TMEM44: variants seen among roughly 807,000 people sequenced by gnomAD.
TMEM44 encodes the protein transmembrane protein 44.
In TMEM44, 43 loss-of-function variants were observed where a neutral mutation model predicts 47.8. The observed-to-expected ratio is 0.90, with a 90% confidence interval of 0.70 to 1.16. The LOEUF (loss-of-function observed/expected upper bound fraction) is 1.16, where lower values mean the gene tolerates loss of function less well. Ranked by LOEUF, TMEM44 falls within the 50% of genes most tolerant of loss-of-function variation. The pLI is 0.00. For synonymous variants in TMEM44, 277 were observed against 238.8 expected (o/e 1.16, Z -1.48); for missense variants, 568 against 555.2 (o/e 1.02, Z -0.23).
At chr3:194,617,751 G>GT in intron 5 of TMEM44, 2 of 703,870 alleles carry the variant, frequency 2.8e-6, no homozygotes, top group Non-Finnish European at 5.2e-6. Context: ...ATGTTGAGTC[G>GT]TAATCCCCAG....
chr3:194,627,789 G>A (rs973937476), intron 2 of TMEM44, among the ~76,000 whole-genome samples: 2 of 152,086 alleles, frequency 1.3e-5, no homozygotes, highest in African/African-American at 4.8e-5. Flanking sequence ...GACCAGCCTG[G>A]GCAACATGGT....
In TMEM44 at chr3:194,617,118, CG is replaced by C. The variant is rs749446394; in HGVS notation, c.763del (p.Arg255ValfsTer14). The C allele has an allele frequency of 1.7e-5, 26 of 1,550,238 alleles. No individual in the cohort carries two copies. Among genetic ancestry groups the C allele is most frequent in the South Asian group, 8.4e-5 (7 of 82,988 alleles). ...ATPWFLTSLG[R>X]AALDLAIIFL... ...GGATACAGCGAGGTCCAGTGCCGCA[CG>C]GCCGAGGGAGGTCAGGAACCAGGGT... On this transcript the variant is annotated frameshift_variant, in exon 6 of 10. Transcript: ENST00000347147. LOFTEE classifies it high-confidence loss of function.
intron 5 of TMEM44, among the ~76,000 whole-genome samples, chr3:194,621,012 G>A (rs1577211692): frequency 7.0e-6 from 1 of 143,036 alleles, no homozygotes; most frequent in Middle Eastern, 3.5e-3. Flanking sequence ...GCAACAGAGC[G>A]AGACTCTGTC....
chr3:194,616,534 C>T (rs1005206094), intron 6 of TMEM44: 1 of 456,102 alleles, frequency 2.2e-6, no homozygotes, highest in African/African-American at 2.0e-5. Flanking sequence ...ACGACACTGC[C>T]ATGCATCAAG....
intron 9 of TMEM44, among the ~76,000 whole-genome samples, chr3:194,595,626 ATTTT>A (rs1183156467): frequency 1.0e-3 from 149 of 145,526 alleles, no homozygotes; most frequent in Non-Finnish European, 9.8e-4. Context: ...CTCATTCTCT[ATTTT>A]TTTTTTTTTT....
chr3:194,632,907 C>A, intron 1 of TMEM44, 172 bp downstream of exon 1: 11 of 1,090,580 alleles, frequency 1.0e-5, no homozygotes, highest in Non-Finnish European at 1.1e-5. Context: ...TGCGTGGGAT[C>A]CGGAAAGAAG....
chr3:194,618,944 C>A (rs571623621), intron 5 of TMEM44, among the ~76,000 whole-genome samples: 8 of 152,352 alleles, frequency 5.3e-5, no homozygotes, highest in African/African-American at 1.7e-4. Context: ...TGAGCCCTGG[C>A]CCGCTGGGCC....
chr3:194,617,290 G>A, intron 5 of TMEM44, 21 bp from the exon 6 acceptor site: 1 of 1,472,562 alleles, frequency 6.8e-7, no homozygotes, highest in Non-Finnish European at 9.1e-7. Flanking sequence ...AGAGGGAGGG[G>A]CTGGGCGGGA....
intron 1 of TMEM44, among the ~76,000 whole-genome samples, chr3:194,629,204 A>G (rs1717504329): frequency 6.6e-6 from 1 of 151,982 alleles, no homozygotes; most frequent in Non-Finnish European, 1.5e-5. Flanking sequence ...AGATAACTGC[A>G]GAGCACAGTT....
chr3:194,616,853 C>G, intron 6 of TMEM44: 1 of 538,372 alleles, frequency 1.9e-6, no homozygotes, highest in East Asian at 3.4e-5. Context: ...CAAGATCACG[C>G]CACTGCACTC....
chr3:194,620,355 C>G (rs1206785729), intron 5 of TMEM44, among the ~76,000 whole-genome samples: 1 of 150,950 alleles, frequency 6.6e-6, no homozygotes, highest in African/African-American at 2.4e-5. Flanking sequence ...TGTCTTGGTT[C>G]TGTTCTCTGA....
chr3:194,624,377 C>T (rs1716910030), intron 3 of TMEM44, among the ~76,000 whole-genome samples: 1 of 152,036 alleles, frequency 6.6e-6, no homozygotes, highest in African/African-American at 2.4e-5. Context: ...AGCATTGAGC[C>T]GCTGAGGGCA....
chr3:194,606,056 G>A (rs1043281389), intron 8 of TMEM44, among the ~76,000 whole-genome samples: 7 of 152,194 alleles, frequency 4.6e-5, no homozygotes, highest in Non-Finnish European at 1.5e-5. Context: ...CTCTGGATGG[G>A]AGTGGGGAAG....
intron 9 of TMEM44, among the ~76,000 whole-genome samples, chr3:194,597,730 C>T (rs549539618): frequency 5.3e-5 from 8 of 152,044 alleles, no homozygotes; most frequent in Admixed American, 3.9e-4. Flanking sequence ...CCACAGCATA[C>T]GTGTTTGGTC....
At chr3:194,623,775 T>G in intron 3 of TMEM44, 80 bp from the exon 4 acceptor site, 1 of 1,570,994 alleles carries the variant, frequency 6.4e-7, no homozygotes, top group Non-Finnish European at 8.7e-7. Context: ...GAAGAACTGG[T>G]GTCAGCTCCC....
chr3:194,599,576 T>TTTC (rs1553826567), intron 9 of TMEM44, among the ~76,000 whole-genome samples: 5 of 133,314 alleles, frequency 3.8e-5, no homozygotes, highest in Non-Finnish European at 7.6e-5. Flanking sequence ...TTTCATTTTC[T>TTTC]TTTTCTTTTC....
chr3:194,616,924 A>G (rs2108590972), intron 6 of TMEM44, 175 bp downstream of exon 6: 2 of 721,236 alleles, frequency 2.8e-6, no homozygotes, highest in South Asian at 4.3e-5. Context: ...AGGAAACATA[A>G]AACTACAAAT....
chr3:194,628,853 G>A (rs1235427768), intron 1 of TMEM44, among the ~76,000 whole-genome samples: 21 of 152,110 alleles, frequency 1.4e-4, no homozygotes, highest in Non-Finnish European at 5.9e-5. Context: ...TTTTTGAAAA[G>A]GAAACAGGAG....
intron 2 of TMEM44, among the ~76,000 whole-genome samples, chr3:194,627,346 G>A (rs980116560): frequency 5.3e-5 from 8 of 152,198 alleles, no homozygotes; most frequent in Non-Finnish European, 1.0e-4. Context: ...CTACCTGGAT[G>A]GGCATAAGAC....
Sources: gnomAD v4.1 joint callset for allele counts (sites outside exome capture counted in the v4.1 genomes callset) on GRCh38, gnomAD v4.1.1 for gene constraint, MANE v1.5 for transcripts, NCBI Gene and HGNC (gene_info 2026-07-23, HGNC 2026-07-21) for gene names.